The following CSMD3 variants were observed in gnomAD, a reference collection of about 807,000 sequenced individuals.
CSMD3 encodes the protein CUB and Sushi multiple domains 3.
CSMD3 carries 177 observed loss-of-function variants against 435.2 expected under a neutral mutation model. The ratio of observed to expected loss-of-function variants is 0.41; its 90% confidence interval spans 0.36 to 0.46. The LOEUF is 0.46. Among genes scored for constraint, CSMD3 ranks in the 20% least tolerant of loss-of-function variants. The pLI, the probability that CSMD3 is intolerant of heterozygous loss-of-function variation, is 0.34. For synonymous variants in CSMD3, 1,656 were observed against 1,520.5 expected (o/e 1.09, Z -2.07); for missense variants, 4,265 against 4,504.6 (o/e 0.95, Z 1.52).
At position 112,575,835 on chromosome 8, in the gene CSMD3, T is replaced by C. The variant is rs1829897459; in HGVS notation, c.3886-2178A>G. Among the ~76,000 whole-genome samples the C allele has an allele frequency of 2.0e-5, 3 of 152,240 alleles. No homozygotes were observed. The South Asian group carries it at 6.2e-4, about 31-fold the overall frequency. ...CTGAAATGTTCAATATTCTCAAAAG[T>C]ATGCTTCTGAATACATTCATTTTAT... On this transcript the variant is annotated intron_variant, in intron 23 of 70. Transcript: ENST00000297405.
At chr8:113,064,728 G>A (rs2088779485) in intron 5 of CSMD3, among the ~76,000 whole-genome samples, 1 of 152,120 alleles carries the variant, frequency 6.6e-6, no homozygotes, top group Non-Finnish European at 1.5e-5. Context: ...TAGTAGCTTG[G>A]TTGATCATAA....
intron 12 of CSMD3, among the ~76,000 whole-genome samples, chr8:112,827,579 G>C (rs1250719185): frequency 6.6e-6 from 1 of 152,092 alleles, no homozygotes; most frequent in Admixed American, 6.6e-5. Context: ...AACATGTAGA[G>C]AGAAACATCT....
intron 3 of CSMD3, among the ~76,000 whole-genome samples, chr8:113,221,572 T>C (rs188019626): frequency 3.3e-5 from 5 of 151,432 alleles, no homozygotes; most frequent in Non-Finnish European, 7.4e-5. Flanking sequence ...TTGCAACTGA[T>C]TTCTAAGCGC....
chr8:112,273,936 A>C (rs1014943697), intron 59 of CSMD3, among the ~76,000 whole-genome samples: 1 of 93,756 alleles, frequency 1.1e-5, no homozygotes. Flanking sequence ...GGTAACATAC[A>C]AAAAAAAAAA....
intron 13 of CSMD3, among the ~76,000 whole-genome samples, chr8:112,742,995 G>A (rs1365000500): frequency 6.6e-6 from 1 of 151,904 alleles, no homozygotes; most frequent in Non-Finnish European, 1.5e-5. Flanking sequence ...TAAATAAAGG[G>A]TCCAGTATTT....
At chr8:112,727,628 G>T (rs1229227519) in intron 13 of CSMD3, among the ~76,000 whole-genome samples, 1 of 151,570 alleles carries the variant, frequency 6.6e-6, no homozygotes, top group Non-Finnish European at 1.5e-5. Context: ...TAATTAAAAA[G>T]AATAAAATCA....
intron 5 of CSMD3, among the ~76,000 whole-genome samples, chr8:113,070,520 C>T (rs1261429933): frequency 2.6e-5 from 4 of 151,942 alleles, no homozygotes; most frequent in Non-Finnish European, 1.5e-5. Flanking sequence ...TATTGTTAGT[C>T]ATCATTACCA....
chr8:112,975,789 T>C (rs141681998), intron 7 of CSMD3, 48 bp downstream of exon 7: 11 of 1,611,050 alleles, frequency 6.8e-6, no homozygotes, highest in Non-Finnish European at 9.3e-6. Context: ...TACCAAAATA[T>C]AGCTTTGGCT....
chr8:113,409,056 G>T (rs1309280208), intron 1 of CSMD3, among the ~76,000 whole-genome samples: 1 of 147,244 alleles, frequency 6.8e-6, no homozygotes, highest in East Asian at 2.0e-4. Flanking sequence ...CCCACAATAA[G>T]ACTTTTTCTT....
chr8:112,231,989 T>G (rs58225471), intron 68 of CSMD3, among the ~76,000 whole-genome samples: 62,995 of 151,988 alleles, frequency 0.41, 14,613 homozygotes, highest in African/African-American at 0.64. Context: ...ACATCCCCAC[T>G]CTCCCAACCT....
chr8:112,954,723 A>G lies in CSMD3; in HGVS notation c.1381T>C (p.Leu461=). 1 of 1,602,372 alleles carries G rather than the reference A, an allele frequency of 6.2e-7. No homozygotes were observed. Among genetic ancestry groups the G allele is most frequent in the Non-Finnish European group, 8.5e-7 (1 of 1,170,524 alleles). ...AIDFKSRGFK[L]FPGKDNSNKF... ...TTGCTGTTGTCTTTCCCTGGAAACA[A>G]TTTAAATCCTCTAGATTTAAAATCT... The change falls in exon 8 of 71, where the codon TTG becomes CTG. Residue 461 remains leucine, a synonymous_variant. Transcript: ENST00000297405.
At chr8:112,891,904 C>CGT (rs1217174066) in intron 10 of CSMD3, among the ~76,000 whole-genome samples, 2 of 150,906 alleles carry the variant, frequency 1.3e-5, no homozygotes, top group Non-Finnish European at 3.0e-5. Context: ...CCTGTGTGCA[C>CGT]GTGTGTGTGT....
At position 113,316,388 on chromosome 8, in the gene CSMD3, TTTA is replaced by T. The variant is rs76305700; in HGVS notation, c.179-1598_179-1596del. ...ATATTTTATGTAAGTATGGATACTT[TTTA>T]AAAGTAAGAGGAATGCTGAATAGAA... On this transcript the variant is annotated intron_variant, in intron 1 of 70. Coordinates refer to ENST00000297405, the MANE Select transcript of CSMD3 (RefSeq NM_198123.2). Among the ~76,000 whole-genome samples, 55 of 152,268 alleles carry T rather than the reference TTTA, an allele frequency of 3.6e-4. No homozygotes were observed. The East Asian group carries it at 0.01, about 29-fold the overall frequency.
intron 18 of CSMD3, among the ~76,000 whole-genome samples, chr8:112,655,432 A>G (rs2075233147): frequency 1.3e-5 from 2 of 152,124 alleles, no homozygotes; most frequent in South Asian, 4.1e-4. Context: ...ATATGTTTGC[A>G]CACACATAAA....
chr8:112,598,355 G>A (rs200172862), intron 22 of CSMD3, among the ~76,000 whole-genome samples: 3 of 151,454 alleles, frequency 2.0e-5, no homozygotes, highest in Non-Finnish European at 4.4e-5. Flanking sequence ...ACCACTTCTC[G>A]AAGAAATAAA....
intron 28 of CSMD3, among the ~76,000 whole-genome samples, chr8:112,514,776 A>G (rs1823501843): frequency 6.6e-6 from 1 of 152,064 alleles, no homozygotes. Flanking sequence ...TCTTAGACAT[A>G]GAATTATGGA....
intron 6 of CSMD3, among the ~76,000 whole-genome samples, chr8:113,012,136 T>C (rs539182309): frequency 2.8e-4 from 43 of 151,998 alleles, no homozygotes; most frequent in Middle Eastern, 3.4e-3. Flanking sequence ...AATTCTGTTC[T>C]CTTAAAACTC....
At chr8:112,972,821 C>T (rs2084706406) in intron 7 of CSMD3, among the ~76,000 whole-genome samples, 1 of 151,900 alleles carries the variant, frequency 6.6e-6, no homozygotes, top group Non-Finnish European at 1.5e-5. Flanking sequence ...TCCTTATCCT[C>T]AGAGAGCTTA....
At chr8:113,141,280 T>C (rs1027127746) in intron 4 of CSMD3, among the ~76,000 whole-genome samples, 1 of 150,772 alleles carries the variant, frequency 6.6e-6, no homozygotes, top group Non-Finnish European at 1.5e-5. Flanking sequence ...ATACATAATA[T>C]CTTCCAAAAA....
Sources: gnomAD v4.1 joint callset for allele counts (sites outside exome capture counted in the v4.1 genomes callset) on GRCh38, gnomAD v4.1.1 for gene constraint, MANE v1.5 for transcripts, NCBI Gene and HGNC (gene_info 2026-07-23, HGNC 2026-07-21) for gene names.